The following TTYH3 variants were observed in gnomAD, a reference collection of about 807,000 sequenced individuals.
The protein encoded by TTYH3 is tweety family member 3.
In TTYH3, 23 loss-of-function variants were observed where a neutral mutation model predicts 68.2. The observed-to-expected ratio is 0.34, with a 90% CI of 0.24 to 0.48. The LOEUF is 0.48. Ranked by LOEUF, TTYH3 falls within the 20% of genes least tolerant of loss-of-function variation. The probability of loss-of-function intolerance (pLI) is 0.99; values close to 1 mark genes in which losing one functional copy is unlikely to be tolerated. For missense variants in TTYH3, 768 were observed against 727.7 expected, an observed-to-expected ratio of 1.06 and a Z score of -0.64; for synonymous variants, 360 against 332.8, an observed-to-expected ratio of 1.08 and a Z score of -0.89.
intron 11 of TTYH3, 128 bp from the exon 12 acceptor site, chr7:2,658,158 A>G (rs1439982678): frequency 5.2e-6 from 5 of 959,046 alleles, no homozygotes; most frequent in African/African-American, 1.7e-5. Flanking sequence ...TCCCACATGG[A>G]GTGTGCACAC....
At position 2,656,515 on chromosome 7, in the gene TTYH3, C is replaced by T. The variant is rs1168340754; in HGVS notation, c.1231C>T (p.His411Tyr). The T allele has an allele frequency of 1.2e-6, 2 of 1,604,984 alleles. No individual in the cohort carries two copies. The highest frequency in any genetic ancestry group is 2.2e-5 in the South Asian group (2 of 90,160). Residue 411 changes from histidine (H) to tyrosine (Y), a missense_variant, in exon 11 of 14, where the codon CAC (histidine) becomes TAC (tyrosine). By Grantham distance (83) the His-to-Tyr change is moderately conservative. Transcript: ENST00000258796. ...CAGCTCCATCGTCTGCAGCGTCCCGCACACCTGGCAGCAAAAGAGGTGAGG... is the reference window on the plus strand; with the variant it reads ...CAGCTCCATCGTCTGCAGCGTCCCGTACACCTGGCAGCAAAAGAGGTGAGG... ...MFSSIVCSVP[H>Y]TWQQKRGPDE...
intron 1 of TTYH3, among the ~76,000 whole-genome samples, chr7:2,639,026 G>C (rs1351812874): frequency 2.6e-5 from 4 of 152,120 alleles, no homozygotes; most frequent in South Asian, 4.1e-4. Flanking sequence ...CAGGACACCT[G>C]GGGGGTTCTC....
intron 1 of TTYH3, among the ~76,000 whole-genome samples, chr7:2,640,020 C>T (rs4719614): frequency 0.26 from 39,563 of 152,120 alleles, 5,643 homozygotes; most frequent in African/African-American, 0.4. Context: ...CACCCGCCCC[C>T]GCTGTGTGAC....
In TTYH3 at chr7:2,653,001, G is replaced by A. The variant is rs149280757; in HGVS notation, c.1011G>A (p.Pro337=). ...ELLRTVPWEQ[P]ATKDPLLRVQ... ...TGAGGACCGTCCCCTGGGAGCAGCC[G>A]GCCACTAAGGTGAGGGGCTGCGGGG... The change falls in exon 9 of 14, where the codon CCG becomes CCA. Residue 337 remains proline, a synonymous_variant. Transcript: ENST00000258796. 135 of 1,569,524 alleles carry A rather than the reference G, an allele frequency of 8.6e-5. No individual in the cohort carries two copies. In the East Asian group the frequency reaches 2.7e-3, roughly 31 times the overall value.
At chr7:2,659,980 G>A in intron 13 of TTYH3, 2 of 1,303,996 alleles carry the variant, frequency 1.5e-6, no homozygotes, top group Non-Finnish European at 2.0e-6. Flanking sequence ...CACGCGGGCT[G>A]GCAGTTTAAG....
At chr7:2,659,085 G>A in intron 13 of TTYH3, 70 bp downstream of exon 13, 1 of 1,458,342 alleles carries the variant, frequency 6.9e-7, no homozygotes, top group Non-Finnish European at 9.6e-7. Flanking sequence ...CACTGCGTCG[G>A]TGGGCTGGTG....
intron 1 of TTYH3, among the ~76,000 whole-genome samples, chr7:2,644,986 G>C (rs1329588305): frequency 6.6e-6 from 1 of 152,236 alleles, no homozygotes; most frequent in Non-Finnish European, 1.5e-5. Context: ...TCCCAAGGCT[G>C]GGGTCCCAAG....
intron 1 of TTYH3, among the ~76,000 whole-genome samples, chr7:2,642,236 A>T (rs1785865732): frequency 6.6e-6 from 1 of 151,838 alleles, no homozygotes; most frequent in South Asian, 2.1e-4. Context: ...CTTTACAAAA[A>T]ATTTTTTTAA....
chr7:2,658,577 G>A (rs768497989), intron 12 of TTYH3, 118 bp downstream of exon 12: 66 of 1,308,688 alleles, frequency 5.0e-5, no homozygotes, highest in Non-Finnish European at 6.8e-5. Context: ...TCCGGGCTGG[G>A]CAGCCCTGGC....
At chr7:2,653,978 C>T (rs558110230) in intron 9 of TTYH3, among the ~76,000 whole-genome samples, 1 of 152,358 alleles carries the variant, frequency 6.6e-6, no homozygotes, top group South Asian at 2.1e-4. Context: ...CACACCGCCC[C>T]AGGACTGGAC....
In TTYH3 at chr7:2,664,418, G is replaced by A. The variant is rs1339224480; in HGVS notation, c.*2679G>A. 6.6e-6 allele frequency: 1 copy of A among 152,398 alleles called. No homozygotes were observed. The highest frequency in any genetic ancestry group is 1.5e-5 in the Non-Finnish European group (1 of 68,034). 9.4% of individuals were successfully genotyped at this position (152,398 alleles called of 1,614,324 possible). On this transcript the variant is annotated 3_prime_UTR_variant, in exon 14 of 14. Transcript: ENST00000258796. ...CCAGGGCCTCTCCTGTGGGATCTTT[G>A]TTTTGTGTTTAACCATAATGGTTGT...
At chr7:2,639,253 C>T (rs1027390008) in intron 1 of TTYH3, among the ~76,000 whole-genome samples, 6 of 152,204 alleles carry the variant, frequency 3.9e-5, no homozygotes, top group East Asian at 1.9e-4. Context: ...TGCTGCCATA[C>T]GCACAGGCTC....
chr7:2,653,317 G>C (rs769170783), intron 9 of TTYH3, among the ~76,000 whole-genome samples: 1 of 152,130 alleles, frequency 6.6e-6, no homozygotes, highest in Non-Finnish European at 1.5e-5. Flanking sequence ...GTGGGTCTCA[G>C]GGCTGGGATG....
chr7:2,657,163 T>C (rs1786357284), intron 11 of TTYH3, among the ~76,000 whole-genome samples: 2 of 152,244 alleles, frequency 1.3e-5, no homozygotes, highest in African/African-American at 4.8e-5. Flanking sequence ...GGCTTATCTT[T>C]GAGACCTTCA....
At chr7:2,652,340 C>T in intron 8 of TTYH3, 98 bp downstream of exon 8, 2 of 1,062,004 alleles carry the variant, frequency 1.9e-6, no homozygotes. Context: ...GCTCCTCAGC[C>T]TGCAGGACTG....
At chr7:2,650,373 T>C (rs1583568788) in intron 7 of TTYH3, among the ~76,000 whole-genome samples, 1 of 148,958 alleles carries the variant, frequency 6.7e-6, no homozygotes, top group Non-Finnish European at 1.5e-5. Flanking sequence ...AGGTCAGGAG[T>C]TCAAGAGCAG....
At chr7:2,649,873 A>T (rs1414670805) in intron 6 of TTYH3, 40 bp from the exon 7 acceptor site, 2 of 1,610,200 alleles carry the variant, frequency 1.2e-6, no homozygotes, top group East Asian at 4.5e-5. Flanking sequence ...CTTTAGGCCC[A>T]GCTTGGTCAA....
chr7:2,656,551 G>T lies in TTYH3; in HGVS notation c.1250+17G>T. 1 of 1,594,260 alleles carries T rather than the reference G, an allele frequency of 6.3e-7. No homozygotes were observed. Among genetic ancestry groups the T allele is most frequent in the Non-Finnish European group, 8.5e-7 (1 of 1,173,792 alleles). On this transcript the variant is annotated intron_variant, in intron 11 of 13. Coordinates refer to ENST00000258796, the MANE Select transcript of TTYH3 (RefSeq NM_025250.3). The stretch of plus-strand genomic sequence containing the variant: ...GCAAAAGAGGTGAGGGGCCCTGGGG[G>T]GTCGCAGGAGCTTGCCCCAGGCCAC...
intron 7 of TTYH3, among the ~76,000 whole-genome samples, chr7:2,650,208 G>A (rs938682865): frequency 2.6e-5 from 4 of 152,216 alleles, no homozygotes; most frequent in African/African-American, 7.2e-5. Flanking sequence ...GGGTGCCCGC[G>A]TGGCAGGGGG....
Sources: gnomAD v4.1 joint callset for allele counts (sites outside exome capture counted in the v4.1 genomes callset) on GRCh38, gnomAD v4.1.1 for gene constraint, MANE v1.5 for transcripts, NCBI Gene and HGNC (gene_info 2026-07-23, HGNC 2026-07-21) for gene names.